MXRA8: variants seen among roughly 807,000 people sequenced by gnomAD.
MXRA8 encodes matrix remodeling-associated protein 8.
Under a neutral mutation model 51.4 loss-of-function variants are expected in MXRA8, and 44 were observed. The observed-to-expected ratio is 0.86, with a 90% confidence interval of 0.67 to 1.10. The LOEUF (loss-of-function observed/expected upper bound fraction) is 1.10. Among genes scored for constraint, MXRA8 ranks in the 50% least tolerant of loss-of-function variants. The probability of loss-of-function intolerance (pLI) is 0.00; values close to 1 mark genes in which losing one functional copy is unlikely to be tolerated. For synonymous variants in MXRA8, 369 were observed against 293.5 expected, an observed-to-expected ratio of 1.26 and a Z score of -2.63; for missense variants, 765 against 638.9, an observed-to-expected ratio of 1.20 and a Z score of -2.13.
rs148936718 is a variant in MXRA8 at position 1,353,546 on chromosome 1, C to G, written c.*58G>C. 3,383 of 1,541,010 alleles carry G rather than the reference C, an allele frequency of 2.2e-3. 74 individuals carry two copies. The African/African-American group carries it at 0.042, about 19-fold the overall frequency. On this transcript the variant is annotated 3_prime_UTR_variant, in exon 10 of 10. Transcript: ENST00000309212. ...AGCCCCGGAGCATCAGGAGATGCCC[C>G]GAGGAGCACAGACAGGAGAGGTGCA...
At position 1,353,365 on chromosome 1, in the gene MXRA8, G is replaced by T. The variant is rs532368399; in HGVS notation, c.*239C>A. On this transcript the variant is annotated 3_prime_UTR_variant, in exon 10 of 10. Transcript: ENST00000309212. ...CATGATGGGCATCAGTGGGATTTTG[G>T]TTGTGCCAGGGGTGGGCAGGGCCAC... The T allele has an allele frequency of 2.6e-6, 4 of 1,546,804 alleles. No individual in the cohort carries two copies. Among genetic ancestry groups the T allele is most frequent in the Non-Finnish European group, 3.5e-6 (4 of 1,144,856 alleles).
chr1:1,362,652 G>T (rs1644234366), upstream of MXRA8, among the ~76,000 whole-genome samples: 2 of 151,070 alleles, frequency 1.3e-5, no homozygotes, highest in Non-Finnish European at 2.9e-5. Flanking sequence ...GTGGTGGCAG[G>T]TGCCTGTAGT....
upstream of MXRA8, among the ~76,000 whole-genome samples, chr1:1,360,176 G>A (rs561479051): frequency 8.5e-5 from 13 of 152,330 alleles, no homozygotes; most frequent in South Asian, 4.1e-4. Flanking sequence ...CTGCAGGGCC[G>A]TCCCTCTCCG....
chr1:1,361,274 A>G (rs559300911), upstream of MXRA8: 28 of 703,546 alleles, frequency 4.0e-5, no homozygotes, highest in African/African-American at 4.4e-4. Context: ...CGATGGCTGA[A>G]GAGTCCCACT....
At chr1:1,361,051 C>T (rs1644216279), upstream of MXRA8, among the ~76,000 whole-genome samples, 1 of 150,836 alleles carries the variant, frequency 6.6e-6, no homozygotes, top group South Asian at 2.1e-4. Context: ...GACACGGAGA[C>T]ACAGATACAT....
upstream of MXRA8, chr1:1,358,639 G>GC (rs1287949150): frequency 7.1e-6 from 10 of 1,414,124 alleles, no homozygotes; most frequent in East Asian, 2.8e-4. Flanking sequence ...TCTGGGGACC[G>GC]CCCCCTCTGG....
At chr1:1,359,334 A>G, upstream of MXRA8, 5 of 985,458 alleles carry the variant, frequency 5.1e-6, no homozygotes, top group Non-Finnish European at 1.2e-6. Flanking sequence ...GACCCCTGCC[A>G]TGGAAGGCAC....
chr1:1,353,188 A>C lies in MXRA8; in HGVS notation c.*416T>G. ...CTGATGGGAGTGTCCTCCTCCAGGA[A>C]CATCTCCCAGCCCCCGACGAGCAGA... is the stretch of plus-strand genomic sequence containing the variant. On this transcript the variant is annotated 3_prime_UTR_variant, in exon 10 of 10. Coordinates refer to ENST00000309212, the MANE Select transcript of MXRA8 (RefSeq NM_032348.4). The C allele has an allele frequency of 8.6e-7, 1 of 1,156,170 alleles. No homozygotes were observed. The highest frequency in any genetic ancestry group is 1.3e-5 in the South Asian group (1 of 74,832). 71.6% of individuals were successfully genotyped at this position (1,156,170 alleles called of 1,614,324 possible). A position where few individuals can be genotyped will look rare whatever the true frequency, so the allele number is the denominator to read the frequency against.
chr1:1,358,057 A>G (rs1461272027), intron 1 of MXRA8, among the ~76,000 whole-genome samples: 1 of 152,176 alleles, frequency 6.6e-6, no homozygotes, highest in Non-Finnish European at 1.5e-5. Flanking sequence ...TCCCAGAGGA[A>G]TGTGCCCGGT....
rs1320156477 is a variant in MXRA8 at position 1,354,340 on chromosome 1, C to T, written c.1105+14G>A. ...AGTCTCCTGGGGCCGCTGGCTTTGC[C>T]GGGGCAGCCTCACCTCCGCGGCGCC... is the stretch of plus-strand genomic sequence containing the variant. On this transcript the variant is annotated intron_variant, in intron 6 of 9. Coordinates refer to ENST00000309212, the MANE Select transcript of MXRA8 (RefSeq NM_032348.4). The T allele has an allele frequency of 2.3e-5, 37 of 1,606,592 alleles. No homozygotes were observed. The highest frequency in any genetic ancestry group is 8.9e-5 in the East Asian group (4 of 44,700).
chr1:1,354,001 TG>T (rs1291600526), intron 8 of MXRA8, 28 bp downstream of exon 8: 2 of 1,611,584 alleles, frequency 1.2e-6, no homozygotes, highest in South Asian at 2.2e-5. Context: ...GAGCCGCGCC[TG>T]TGCCCTCGTG....
At chr1:1,363,262 G>A (rs191525997), upstream of MXRA8, among the ~76,000 whole-genome samples, 2 of 152,014 alleles carry the variant, frequency 1.3e-5, no homozygotes, top group Non-Finnish European at 2.9e-5. Context: ...CAGCCTGGGC[G>A]ACAGAGTGAG....
At chr1:1,363,438 C>T (rs1027423889), upstream of MXRA8, among the ~76,000 whole-genome samples, 13 of 144,438 alleles carry the variant, frequency 9.0e-5, no homozygotes, top group Admixed American at 2.1e-4. Context: ...TCAGTTTTTT[C>T]TTTTTTTTTT....
In MXRA8 at chr1:1,354,863, T is replaced by G. The variant is rs1644087780; in HGVS notation, c.768A>C (p.Ser256=). The G allele has an allele frequency of 6.2e-7, 1 of 1,611,694 alleles. No individual in the cohort carries two copies. Among genetic ancestry groups the G allele is most frequent in the Non-Finnish European group, 8.5e-7 (1 of 1,179,538 alleles). ...CGACCTCCAGCGGCTCGATACGCAG[T>G]GAGAAGTCACCGCGCTCAAAGGCAT... is the stretch of plus-strand genomic sequence containing the variant. ...GADAFERGDF[S]LRIEPLEVAD... is the part of the protein sequence containing the mutation. Residue 256 remains serine (S), a synonymous_variant, in exon 5 of 10, where the codon TCA becomes TCC. Transcript: ENST00000309212.
chr1:1,354,595 G>A (rs1377351393), intron 5 of MXRA8, 86 bp from the exon 6 acceptor site: 2 of 1,555,192 alleles, frequency 1.3e-6, no homozygotes, highest in Non-Finnish European at 1.7e-6. Context: ...TGGGATCCGC[G>A]GGCCTCGGGC....
upstream of MXRA8, chr1:1,361,182 A>G: frequency 1.4e-6 from 1 of 703,184 alleles, no homozygotes; most frequent in Admixed American, 2.0e-5. Flanking sequence ...ACACAGGTCC[A>G]CACACAGAAA....
At chr1:1,353,787 G>C (rs1644053814) in intron 9 of MXRA8, 61 bp downstream of exon 9, 6 of 1,509,020 alleles carry the variant, frequency 4.0e-6, no homozygotes, top group Non-Finnish European at 4.5e-6. Flanking sequence ...TTGGTCCCAG[G>C]TGAGGTGGAA....
intron 2 of MXRA8, 51 bp downstream of exon 2, chr1:1,356,630 G>T: frequency 7.8e-7 from 1 of 1,276,408 alleles, no homozygotes; most frequent in Non-Finnish European, 1.0e-6. Flanking sequence ...TGGCAAGATA[G>T]GAGGGGCTGA....
In MXRA8 at chr1:1,353,052, G is replaced by T; in HGVS notation, c.*552C>A. On this transcript the variant is annotated 3_prime_UTR_variant, in exon 10 of 10. Transcript: ENST00000309212. ...CAGGTCCCTGGGGAGAACAGATGGT[G>T]CCTGGAGTCCCACATGGTGGTACAG... 1.7e-6 allele frequency: 1 copy of T among 596,574 alleles called. No homozygotes were observed. The highest frequency in any genetic ancestry group is 3.0e-6 in the Non-Finnish European group (1 of 336,292). 37.0% of individuals were successfully genotyped at this position (596,574 alleles called of 1,614,324 possible). A position where few individuals can be genotyped will look rare whatever the true frequency, so the allele number is the denominator to read the frequency against.
Sources: allele counts gnomAD v4.1 joint callset (sites outside exome capture counted in the v4.1 genomes callset), GRCh38; gene constraint gnomAD v4.1.1; transcripts MANE v1.5; gene names NCBI Gene and HGNC (gene_info 2026-07-23, HGNC 2026-07-21).